The following CSMD3 variants were observed in gnomAD, a reference collection of about 807,000 sequenced individuals.
CSMD3 encodes CUB and Sushi multiple domains 3, also known as CUB and sushi domain-containing protein 3.
A neutral mutation model predicts 435.2 loss-of-function variants in CSMD3; 177 were observed. The ratio of observed to expected loss-of-function variants is 0.41; its 90% CI spans 0.36 to 0.46. CSMD3 has a LOEUF of 0.46. Among genes scored for constraint, CSMD3 ranks in the 20% least tolerant of loss-of-function variants. The pLI is 0.34. For missense variants in CSMD3, 4,265 were observed against 4,504.6 expected (o/e 0.95, Z 1.52); for synonymous variants, 1,656 against 1,520.5 (o/e 1.09, Z -2.07).
At chr8:113,433,018 ATCT>A (rs2094684457) in intron 1 of CSMD3, among the ~76,000 whole-genome samples, 1 of 152,264 alleles carries the variant, frequency 6.6e-6, no homozygotes, top group Admixed American at 6.5e-5. Flanking sequence ...AGGGAGGCTG[ATCT>A]TCTTGAAGAA....
At chr8:112,510,823 T>A (rs11782461) in intron 28 of CSMD3, among the ~76,000 whole-genome samples, 46,531 of 152,072 alleles carry the variant, frequency 0.31, 7,280 homozygotes, top group East Asian at 0.47. Context: ...ATTTTATTTA[T>A]TCCTAGAATT....
chr8:112,246,974 T>C (rs376941791), intron 64 of CSMD3, 46 bp downstream of exon 64: 15 of 1,341,992 alleles, frequency 1.1e-5, no homozygotes, highest in South Asian at 4.7e-5. Context: ...AAAATGCATA[T>C]AAATTCTTAC....
chr8:113,138,911 AATT>A (rs1272287745), intron 4 of CSMD3, among the ~76,000 whole-genome samples: 1 of 151,136 alleles, frequency 6.6e-6, no homozygotes, highest in African/African-American at 2.4e-5. Flanking sequence ...AAGGAAATTT[AATT>A]ATTATATAAT....
At chr8:113,066,025 T>C (rs1244162108) in intron 5 of CSMD3, among the ~76,000 whole-genome samples, 1 of 150,524 alleles carries the variant, frequency 6.6e-6, no homozygotes, top group Non-Finnish European at 1.5e-5. Context: ...CAAATGGCAA[T>C]GCATGCTCTG....
intron 2 of CSMD3, among the ~76,000 whole-genome samples, chr8:113,299,367 T>C (rs2093746613): frequency 1.3e-5 from 2 of 152,184 alleles, no homozygotes; most frequent in Admixed American, 1.3e-4. Context: ...GTTATATTGC[T>C]ATAATAAAAG....
intron 4 of CSMD3, among the ~76,000 whole-genome samples, chr8:113,151,512 C>T (rs1351388): frequency 0.68 from 103,300 of 151,604 alleles, 36,993 homozygotes; most frequent in East Asian, 0.95. Flanking sequence ...AAGAATAATA[C>T]AAACAAAAAT....
At chr8:112,807,052 GACCC>G (rs1453358578) in intron 12 of CSMD3, among the ~76,000 whole-genome samples, 1 of 152,166 alleles carries the variant, frequency 6.6e-6, no homozygotes, top group Non-Finnish European at 1.5e-5. Flanking sequence ...AAGATATGCT[GACCC>G]ATGTACTCTA....
At position 112,865,686 on chromosome 8, in the gene CSMD3, C is replaced by CACACACACA. The variant is rs1564039948; in HGVS notation, c.1634-6421_1634-6420insTGTGTGTGT. 1.4e-4 allele frequency among the ~76,000 whole-genome samples: 6 copies of CACACACACA among 43,122 alleles called. 1 individual carries two copies. The highest frequency in any genetic ancestry group is 2.3e-4 in the Non-Finnish European group (4 of 17,322). 28.3% of individuals were successfully genotyped at this position (43,122 alleles called of 152,430 possible). On this transcript the variant is annotated intron_variant, in intron 10 of 70. Transcript: ENST00000297405. ...TTCTTAAGTATTACCTTTACATACC[C>CACACACACA]CACACACACACACACACACACACAC...
chr8:112,952,363 G>C (rs1026896711), intron 8 of CSMD3, among the ~76,000 whole-genome samples: 4 of 151,438 alleles, frequency 2.6e-5, no homozygotes, highest in Admixed American at 6.6e-5. Context: ...TCATAGAATT[G>C]ATCTTTTTTT....
intron 10 of CSMD3, among the ~76,000 whole-genome samples, chr8:112,904,616 A>G (rs568541798): frequency 1.1e-4 from 17 of 151,426 alleles, no homozygotes; most frequent in African/African-American, 3.4e-4. Context: ...ATTAGAAAAG[A>G]TGTTATAAAG....
rs543902970 is a variant in CSMD3, at chr8:112,296,022, A to G, written c.8441-16T>C. On this transcript the variant is annotated splice_polypyrimidine_tract_variant and intron_variant, in intron 53 of 70. Coordinates refer to ENST00000297405, the MANE Select transcript of CSMD3 (RefSeq NM_198123.2). The stretch of plus-strand genomic sequence containing the variant: ...CAATGACCCGCTGAAATACGTTATA[A>G]AGTAATATTTTTAATACTGTGATTT... 1.3e-6 allele frequency: 2 copies of G among 1,593,376 alleles called. No individual in the cohort carries two copies. The highest frequency in any genetic ancestry group is 2.2e-5 in the South Asian group (2 of 90,544).
intron 53 of CSMD3, 80 bp downstream of exon 53, chr8:112,301,713 A>G: frequency 3.0e-6 from 3 of 1,009,768 alleles, no homozygotes; most frequent in South Asian, 2.6e-5. Context: ...TTAGTATCTC[A>G]TATTAGGGAA....
chr8:112,334,991 G>A (rs1214893145), intron 45 of CSMD3, among the ~76,000 whole-genome samples: 1 of 152,074 alleles, frequency 6.6e-6, no homozygotes. Context: ...ATTTTGTATA[G>A]GAAAAAAATC....
intron 53 of CSMD3, among the ~76,000 whole-genome samples, chr8:112,299,548 T>C (rs1820705905): frequency 6.6e-6 from 1 of 152,054 alleles, no homozygotes; most frequent in African/African-American, 2.4e-5. Context: ...AAAATGCTAA[T>C]TGTAGAATTA....
At chr8:112,973,599 T>TC (rs1411710942) in intron 7 of CSMD3, among the ~76,000 whole-genome samples, 1 of 151,956 alleles carries the variant, frequency 6.6e-6, no homozygotes, top group African/African-American at 2.4e-5. Flanking sequence ...GTCAGCCATT[T>TC]CCAGTTTAGA....
intron 8 of CSMD3, among the ~76,000 whole-genome samples, chr8:112,952,657 A>T (rs2083865140): frequency 6.6e-6 from 1 of 151,564 alleles, no homozygotes; most frequent in Non-Finnish European, 1.5e-5. Flanking sequence ...ATTTTATGAC[A>T]GGAAATTTGC....
At chr8:112,878,685 G>A (rs957075410) in intron 10 of CSMD3, among the ~76,000 whole-genome samples, 3 of 152,116 alleles carry the variant, frequency 2.0e-5, no homozygotes, top group East Asian at 1.9e-4. Context: ...ATCAATGATA[G>A]ACTAGATAAA....
At chr8:113,373,030 C>A (rs573769522) in intron 1 of CSMD3, among the ~76,000 whole-genome samples, 18 of 151,812 alleles carry the variant, frequency 1.2e-4, no homozygotes, top group South Asian at 8.3e-4. Context: ...TAAAATATAT[C>A]TATCTAATGG....
At chr8:112,365,576 GA>G (rs1437497409) in intron 38 of CSMD3, among the ~76,000 whole-genome samples, 1 of 141,158 alleles carries the variant, frequency 7.1e-6, no homozygotes, top group Non-Finnish European at 1.5e-5. Flanking sequence ...ATACTAGTTT[GA>G]AAAAATTCCC....
Sources: allele counts gnomAD v4.1 joint callset (sites outside exome capture counted in the v4.1 genomes callset), GRCh38; gene constraint gnomAD v4.1.1; transcripts MANE v1.5; gene names NCBI Gene and HGNC (gene_info 2026-07-23, HGNC 2026-07-21).